RIPK4: variants seen among roughly 807,000 people sequenced by gnomAD.
The protein encoded by RIPK4 is receptor-interacting serine/threonine-protein kinase 4.
A neutral mutation model predicts 42.9 loss-of-function variants in RIPK4; 17 were observed. That is an observed-to-expected ratio of 0.40 (90% CI 0.27 to 0.59). The LOEUF (loss-of-function observed/expected upper bound fraction) is 0.59, where lower values mean the gene tolerates loss of function less well. RIPK4 is among the 20% of genes least tolerant of loss of function. The pLI, the probability that RIPK4 is intolerant of heterozygous loss-of-function variation, is 0.47. For missense variants in RIPK4, 897 were observed against 1,104.4 expected (o/e 0.81, Z 2.66); for synonymous variants, 498 against 499.1 (o/e 1.00, Z 0.03).
At chr21:41,766,759 G>C (rs1178897544) in intron 1 of RIPK4, 101 bp downstream of exon 1, 2 of 1,252,784 alleles carry the variant, frequency 1.6e-6, no homozygotes, top group African/African-American at 3.1e-5. Flanking sequence ...TGCTCCGGGG[G>C]TGAGTTCGGG....
chr21:41,743,645 G>A (rs1416217672), intron 7 of RIPK4, among the ~76,000 whole-genome samples: 1 of 152,238 alleles, frequency 6.6e-6, no homozygotes, highest in African/African-American at 2.4e-5. Flanking sequence ...CACTGGCACA[G>A]GCAAGACTGC....
chr21:41,741,391 G>A lies in RIPK4; in HGVS notation c.1802C>T (p.Thr601Met), dbSNP rs778131396. 16 of 1,612,444 alleles carry A rather than the reference G, an allele frequency of 9.9e-6. No individual in the cohort carries two copies. The highest frequency in any genetic ancestry group is 8.9e-5 in the East Asian group (4 of 44,888). ...KQPGVSVNAQ[T>M]LDGRTPLHLA... is the part of the protein sequence containing the mutation. ...GTGCAATGGCGTCCTCCCATCCAGCGTCTGGGCGTTCACACTCACCCCCGG... is the reference window on the plus strand; with the variant it reads ...GTGCAATGGCGTCCTCCCATCCAGCATCTGGGCGTTCACACTCACCCCCGG... The change falls in exon 8 of 8, where the codon ACG (threonine) becomes ATG (methionine). Residue 601 changes from threonine (T) to methionine (M), a missense_variant. Coordinates refer to ENST00000332512, the MANE Select transcript of RIPK4 (RefSeq NM_020639.3).
Position 41,740,490 on chromosome 21 carries a change from T to G in RIPK4, c.*348A>C. On this transcript the variant is annotated 3_prime_UTR_variant, in exon 8 of 8. Transcript: ENST00000332512. ...ACTGGTGAGCTCCAGCAACCCAAGG[T>G]GGCTCGCCTCAGGAGAGAGTGGATG... is the stretch of plus-strand genomic sequence containing the variant. 3.8e-6 allele frequency: 1 copy of G among 260,348 alleles called. No individual in the cohort carries two copies. The highest frequency in any genetic ancestry group is 7.2e-6 in the Non-Finnish European group (1 of 138,150). The allele number at this position is 260,348 out of a possible 1,614,324, so 16.1% of individuals were successfully genotyped here. A position where few individuals can be genotyped will look rare whatever the true frequency, so the allele number is the denominator to read the frequency against.
Position 41,741,364 on chromosome 21 carries a change from A to T in RIPK4, c.1829T>A (p.Leu610Gln). 6.2e-7 allele frequency: 1 copy of T among 1,612,004 alleles called. No individual in the cohort carries two copies. The highest frequency in any genetic ancestry group is 8.5e-7 in the Non-Finnish European group (1 of 1,179,852). ...GCGGTAGTGCCCGCGCTGTGCGGCCAGGTGCAATGGCGTCCTCCCATCCAG... is the reference window on the plus strand; with the variant it reads ...GCGGTAGTGCCCGCGCTGTGCGGCCTGGTGCAATGGCGTCCTCCCATCCAG... ...QTLDGRTPLHLAAQRGHYRVA... is the reference protein window; with the variant it reads ...QTLDGRTPLHQAAQRGHYRVA... Residue 610 changes from leucine (L) to glutamine (Q), a missense_variant, in exon 8 of 8, where the codon CTG becomes CAG. Transcript: ENST00000332512.
chr21:41,766,721 C>T, intron 1 of RIPK4, 139 bp downstream of exon 1: 1 of 915,546 alleles, frequency 1.1e-6, no homozygotes, highest in Non-Finnish European at 1.6e-6. Context: ...CCCGCGGCCT[C>T]GCCGGCAATT....
At chr21:41,750,770 C>T (rs149920163) in intron 3 of RIPK4, among the ~76,000 whole-genome samples, 2,157 of 152,278 alleles carry the variant, frequency 0.014, 24 homozygotes, top group Non-Finnish European at 0.021. Flanking sequence ...ATCTCCACCT[C>T]CCGGGCTCAA....
At position 41,741,506 on chromosome 21, in the gene RIPK4, C is replaced by T. The variant is rs148030694; in HGVS notation, c.1687G>A (p.Val563Met). Residue 563 changes from valine (V) to methionine (M), a missense_variant, in exon 8 of 8, where the codon GTG becomes ATG. By Grantham distance (21) the Val-to-Met change is conservative (BLOSUM62 1). Coordinates refer to ENST00000332512, the MANE Select transcript of RIPK4 (RefSeq NM_020639.3). ...CAGGCATCCTTGCCCTGCAGGCTCA[C>T]GTCCACGCCTCGGCGCAGCAGGATG... The part of the protein sequence containing the change: ...VRILLRRGVD[V>M]SLQGKDAWLP... 31 of 1,612,444 alleles carry T rather than the reference C, an allele frequency of 1.9e-5. No homozygotes were observed. In the African/African-American group the frequency reaches 2.1e-4, roughly 11 times the overall value.
intron 2 of RIPK4, among the ~76,000 whole-genome samples, chr21:41,753,029 C>T (rs932961015): frequency 3.3e-5 from 5 of 152,128 alleles, no homozygotes; most frequent in Admixed American, 2.6e-4. Flanking sequence ...AAGAAAGCAT[C>T]ACATACTTTC....
Position 41,755,410 on chromosome 21 carries a change from C to T in RIPK4, c.474+1115G>A, listed in dbSNP as rs911861475. On this transcript the variant is annotated intron_variant, in intron 2 of 7. Coordinates refer to ENST00000332512, the MANE Select transcript of RIPK4 (RefSeq NM_020639.3). This position sits in a 1 kb window ranked among gnomAD's most constrained non-coding sequence, Gnocchi z 4.2. ...CTGAGCAAGGCACGCGAGATGCACTCGTCCGCAGAGTCTGGGCACAGGGAG... is the reference window on the plus strand; with the variant it reads ...CTGAGCAAGGCACGCGAGATGCACTTGTCCGCAGAGTCTGGGCACAGGGAG... 2.6e-5 allele frequency among the ~76,000 whole-genome samples: 4 copies of T among 152,334 alleles called. No individual in the cohort carries two copies. Among genetic ancestry groups the T allele is most frequent in the Admixed American group, 1.3e-4 (2 of 15,314 alleles).
At chr21:41,746,222 C>G (rs2061170684) in intron 5 of RIPK4, 1 of 607,582 alleles carries the variant, frequency 1.6e-6, no homozygotes, top group East Asian at 3.4e-5. Context: ...GGTGACTTTC[C>G]TATGCCAGAG....
rs760414297 is a variant in RIPK4, at chr21:41,751,120, G to A, written c.600C>T (p.Phe200=). Residue 200 remains phenylalanine, a synonymous_variant, in exon 3 of 8, where the codon TTC becomes TTT. Coordinates refer to ENST00000332512, the MANE Select transcript of RIPK4 (RefSeq NM_020639.3). The surrounding 1 kb of genome is among the most constrained non-coding windows in gnomAD (Gnocchi z 4.5). ...ACCTGTATACATCGTGCTTGGTGTCGAAGAGCCGGCTCTTCTCCCTGATGC... is the reference window on the plus strand; with the variant it reads ...ACCTGTATACATCGTGCTTGGTGTCAAAGAGCCGGCTCTTCTCCCTGATGC... The part of the protein sequence containing the change: ...PERIREKSRL[F]DTKHDVYSFA... The A allele has an allele frequency of 5.0e-6, 8 of 1,614,030 alleles. No homozygotes were observed. The highest frequency in any genetic ancestry group is 2.2e-5 in the East Asian group (1 of 44,884).
chr21:41,754,410 T>G (rs1390097122), intron 2 of RIPK4, among the ~76,000 whole-genome samples: 1 of 152,204 alleles, frequency 6.6e-6, no homozygotes, highest in Non-Finnish European at 1.5e-5. Flanking sequence ...AAGCAATCTT[T>G]CCTGCGGCCT....
Position 41,740,453 on chromosome 21 carries a change from A to G in RIPK4, c.*385T>C. On this transcript the variant is annotated 3_prime_UTR_variant, in exon 8 of 8. Coordinates refer to ENST00000332512, the MANE Select transcript of RIPK4 (RefSeq NM_020639.3). ...AGATAAAAAACACAGTTTCCCCTGC[A>G]CCTCCCTCAAGACTGGTGAGCTCCA... 1 of 214,956 alleles carries G rather than the reference A, an allele frequency of 4.7e-6. No individual in the cohort carries two copies. The highest frequency in any genetic ancestry group is 9.1e-6 in the Non-Finnish European group (1 of 109,960). 13.3% of individuals were successfully genotyped at this position (214,956 alleles called of 1,614,324 possible).
chr21:41,764,598 G>T (rs1032456399), intron 1 of RIPK4, among the ~76,000 whole-genome samples: 1 of 152,176 alleles, frequency 6.6e-6, no homozygotes, highest in Non-Finnish European at 1.5e-5. Context: ...GAGGCAGCTC[G>T]TCAGAAAAGC....
intron 1 of RIPK4, among the ~76,000 whole-genome samples, chr21:41,763,792 C>G (rs2061228151): frequency 6.6e-6 from 1 of 152,242 alleles, no homozygotes; most frequent in Non-Finnish European, 1.5e-5. Flanking sequence ...TCGCCCCGAC[C>G]AGCCAGGGCT....
rs954015798 is a variant in RIPK4 at position 41,742,900 on chromosome 21, C to G, written c.1196-903G>C. On this transcript the variant is annotated intron_variant, in intron 7 of 7. Transcript: ENST00000332512. This position sits in a 1 kb window ranked among gnomAD's most constrained non-coding sequence, Gnocchi z 5.1. ...TTTCTGCTCAGTCTTAGACTTTGCCCTGACTCTCCTCCTCAAGCCCATCAC... is the reference window on the plus strand; with the variant it reads ...TTTCTGCTCAGTCTTAGACTTTGCCGTGACTCTCCTCCTCAAGCCCATCAC... Among the ~76,000 whole-genome samples, 1 of 152,158 alleles carries G rather than the reference C, an allele frequency of 6.6e-6. No homozygotes were observed. Among genetic ancestry groups the G allele is most frequent in the African/African-American group, 2.4e-5 (1 of 41,430 alleles).
In RIPK4 at chr21:41,756,824, A is replaced by C. The variant is rs199637338; in HGVS notation, c.183-8T>G. On this transcript the variant is annotated splice_region_variant and splice_polypyrimidine_tract_variant and intron_variant, in intron 1 of 7. Transcript: ENST00000332512. Reference sequence around the variant, plus strand: ...AAAAGCTCCATGCGCTCCCTGAAAAAGTTCAAAGGCATGAAGAATACGCAA... The same window carrying C: ...AAAAGCTCCATGCGCTCCCTGAAAACGTTCAAAGGCATGAAGAATACGCAA... The C allele has an allele frequency of 1.5e-5, 24 of 1,609,780 alleles. No individual in the cohort carries two copies. In the East Asian group the frequency reaches 4.9e-4, roughly 33 times the overall value.
At chr21:41,761,303 G>A (rs1470525363) in intron 1 of RIPK4, among the ~76,000 whole-genome samples, 1 of 152,252 alleles carries the variant, frequency 6.6e-6, no homozygotes, top group East Asian at 1.9e-4. Context: ...GCCCTCATTT[G>A]TTATTTAAAG....
At position 41,740,868 on chromosome 21, in the gene RIPK4, G is replaced by T. The variant is rs148947402; in HGVS notation, c.2325C>A (p.Ala775=). 6.2e-7 allele frequency: 1 copy of T among 1,610,120 alleles called. No individual in the cohort carries two copies. The change falls in exon 8 of 8, where the codon GCC becomes GCA. Residue 775 remains alanine (A), a synonymous_variant. Transcript: ENST00000332512. ...SLKFQGGHGP[A]ATLLRRSKT is the part of the protein sequence containing the mutation. Reference sequence around the variant, plus strand: ...TCTTGCTTCGCCGCAGGAGCGTGGCGGCGGGGCCATGGCCGCCCTGGAACT... The same window carrying T: ...TCTTGCTTCGCCGCAGGAGCGTGGCTGCGGGGCCATGGCCGCCCTGGAACT...
Sources: allele counts gnomAD v4.1 joint callset (sites outside exome capture counted in the v4.1 genomes callset), GRCh38; gene constraint gnomAD v4.1.1; non-coding constraint Gnocchi (gnomAD v3.1); transcripts MANE v1.5; gene names NCBI Gene and HGNC (gene_info 2026-07-23, HGNC 2026-07-21).